Variants in PRR5L observed in about 807,000 individuals in gnomAD.
PRR5L encodes the protein proline-rich protein 5-like.
In PRR5L, 21 loss-of-function variants were observed where a neutral mutation model predicts 36.4. The observed-to-expected ratio is 0.58, with a 90% confidence interval of 0.41 to 0.83. PRR5L has a LOEUF of 0.83. PRR5L is among the 40% of genes least tolerant of loss of function. The probability of loss-of-function intolerance (pLI) is 0.00; values close to 1 mark genes in which losing one functional copy is unlikely to be tolerated. For missense variants in PRR5L, 381 were observed against 473.3 expected (o/e 0.80, Z 1.81); for synonymous variants, 188 against 197.0 (o/e 0.95, Z 0.38).
intron 1 of PRR5L, among the ~76,000 whole-genome samples, chr11:36,327,683 A>G (rs796835962): frequency 9.2e-5 from 14 of 152,340 alleles, no homozygotes; most frequent in African/African-American, 3.4e-4. Context: ...GTCACCTATG[A>G]GAATTCTTCT....
chr11:36,461,363 C>T (rs548472665), intron 8 of PRR5L, among the ~76,000 whole-genome samples: 13 of 152,260 alleles, frequency 8.5e-5, no homozygotes, highest in African/African-American at 3.1e-4. Context: ...TGGCTCACAC[C>T]TTTAATCCCA....
At chr11:36,458,756 C>G (rs1859117193) in intron 8 of PRR5L, among the ~76,000 whole-genome samples, 1 of 152,194 alleles carries the variant, frequency 6.6e-6, no homozygotes, top group African/African-American at 2.4e-5. Flanking sequence ...CCACGTGTCC[C>G]CATGGGCCAG....
Position 36,386,646 on chromosome 11 carries a change from T to G in PRR5L, c.-125-14351T>G, listed in dbSNP as rs180675419. 13 of 152,392 alleles carry G rather than the reference T, an allele frequency of 8.5e-5. No homozygotes were observed. In the East Asian group the frequency reaches 2.5e-3, roughly 29 times the overall value. 9.4% of individuals were successfully genotyped at this position (152,392 alleles called of 1,614,324 possible). A position where few individuals can be genotyped will look rare whatever the true frequency, so the allele number is the denominator to read the frequency against. ...TGTGTGTGGCACACACTTGCATTGTTTAAGACAGGGGTCAGGAGTTCAGGC... is the reference window on the plus strand; with the variant it reads ...TGTGTGTGGCACACACTTGCATTGTGTAAGACAGGGGTCAGGAGTTCAGGC... On this transcript the variant is annotated intron_variant, in intron 1 of 8. Transcript: ENST00000530639.
chr11:36,422,453 G>C (rs577679708), intron 4 of PRR5L, among the ~76,000 whole-genome samples: 1 of 152,154 alleles, frequency 6.6e-6, no homozygotes, highest in South Asian at 2.1e-4. Context: ...GGGCTTCCTG[G>C]GTGCTGGGCT....
chr11:36,335,222 G>A (rs112662558), intron 1 of PRR5L, among the ~76,000 whole-genome samples: 8 of 152,022 alleles, frequency 5.3e-5, no homozygotes, highest in South Asian at 2.1e-4. Context: ...ACGCCATTAC[G>A]CCAGGCTAAT....
rs1308652551 is a variant in PRR5L at position 36,463,635 on chromosome 11, T to C, written c.*899T>C. On this transcript the variant is annotated 3_prime_UTR_variant, in exon 9 of 9. Transcript: ENST00000530639. ...GGATTTGACTTGAATTTTTAAAATGTGTATCGTTTAAAAAAAAAAATGTTT... is the reference window on the plus strand; with the variant it reads ...GGATTTGACTTGAATTTTTAAAATGCGTATCGTTTAAAAAAAAAAATGTTT... 1 of 138,612 alleles carries C rather than the reference T, an allele frequency of 7.2e-6. No individual in the cohort carries two copies. The highest frequency in any genetic ancestry group is 1.6e-5 in the Non-Finnish European group (1 of 63,486). The allele number at this position is 138,612 out of a possible 1,614,324, so 8.6% of individuals were successfully genotyped here.
chr11:36,441,505 G>A (rs949460968), intron 6 of PRR5L, among the ~76,000 whole-genome samples: 1 of 152,252 alleles, frequency 6.6e-6, no homozygotes, highest in Admixed American at 6.5e-5. Flanking sequence ...CTGCCCCTGT[G>A]GCTTTGAAGG....
At chr11:36,300,608 C>T (rs1590419967) in intron 1 of PRR5L, among the ~76,000 whole-genome samples, 2 of 152,128 alleles carry the variant, frequency 1.3e-5, no homozygotes, top group South Asian at 4.1e-4. Context: ...CCAGGAGGTA[C>T]TTAACCTAAA....
intron 4 of PRR5L, among the ~76,000 whole-genome samples, chr11:36,430,305 A>C (rs1259485311): frequency 6.6e-6 from 1 of 152,160 alleles, no homozygotes; most frequent in Non-Finnish European, 1.5e-5. Context: ...CCATCTACAC[A>C]GGAGGCTGAG....
At chr11:36,349,265 CA>C (rs1407437471) in intron 1 of PRR5L, among the ~76,000 whole-genome samples, 1 of 118,006 alleles carries the variant, frequency 8.5e-6, no homozygotes, top group Non-Finnish European at 1.6e-5. Context: ...GCCTGGGTGA[CA>C]GCAAGACTCT....
chr11:36,390,060 C>T (rs956142265), intron 1 of PRR5L, among the ~76,000 whole-genome samples: 6 of 152,194 alleles, frequency 3.9e-5, no homozygotes, highest in Admixed American at 1.3e-4. Flanking sequence ...ACAGACAGTG[C>T]CTGCCCTTAT....
Position 36,419,288 on chromosome 11 carries a change from TAC to T in PRR5L, c.281_282del (p.Thr94ArgfsTer23). 1 of 1,614,096 alleles carries T rather than the reference TAC, an allele frequency of 6.2e-7. No individual in the cohort carries two copies. Among genetic ancestry groups the T allele is most frequent in the Non-Finnish European group, 8.5e-7 (1 of 1,179,902 alleles). ...TGAAGAGTGAACTTGGATCATTCAT[TAC>T]AGACTATTTTCAGGTAAGCTGTGTG... Reference protein sequence around the residue: ...LLKSELGSFITDYFQNQLLAK... With the variant: ...LLKSELGSFIXDYFQNQLLAK... On this transcript the variant is annotated frameshift_variant, in exon 4 of 9. Transcript: ENST00000530639. LOFTEE classifies it high-confidence loss of function.
In PRR5L at chr11:36,428,098, C is replaced by T. The variant is rs560296936; in HGVS notation, c.295-3755C>T. ...TTGCAGGGTGCATGCCAAGTCCTGA[C>T]TCTCCCTGTACCGGTGCGGAGGCCT... On this transcript the variant is annotated intron_variant, in intron 4 of 8. Coordinates refer to ENST00000530639, the MANE Select transcript of PRR5L (RefSeq NM_001160167.2). Among the ~76,000 whole-genome samples the T allele has an allele frequency of 2.6e-5, 4 of 152,320 alleles. No individual in the cohort carries two copies. The East Asian group carries it at 7.7e-4, about 29-fold the overall frequency.
chr11:36,368,436 A>G (rs551443490), intron 1 of PRR5L, among the ~76,000 whole-genome samples: 1 of 152,306 alleles, frequency 6.6e-6, no homozygotes, highest in South Asian at 2.1e-4. Context: ...CCATCATTTG[A>G]GAGGATTTTT....
At chr11:36,323,614 C>T (rs190967092) in intron 1 of PRR5L, among the ~76,000 whole-genome samples, 4 of 152,270 alleles carry the variant, frequency 2.6e-5, no homozygotes, top group Non-Finnish European at 4.4e-5. Context: ...ATGAAACATA[C>T]GTTTCTGTTT....
intron 1 of PRR5L, among the ~76,000 whole-genome samples, chr11:36,389,985 A>G (rs1045082669): frequency 2.0e-5 from 3 of 152,212 alleles, no homozygotes; most frequent in Non-Finnish European, 4.4e-5. Context: ...CATTCAGAGA[A>G]TATCTGTGGA....
chr11:36,340,868 C>G (rs1856810301), intron 1 of PRR5L, among the ~76,000 whole-genome samples: 1 of 152,170 alleles, frequency 6.6e-6, no homozygotes, highest in Non-Finnish European at 1.5e-5. Context: ...TGGGGGCAAT[C>G]AAAGGATCCC....
chr11:36,434,522 G>A (rs541927363), intron 5 of PRR5L, among the ~76,000 whole-genome samples: 1 of 152,058 alleles, frequency 6.6e-6, no homozygotes, highest in Non-Finnish European at 1.5e-5. Flanking sequence ...TCCACTTATT[G>A]CTGTTTTGTG....
At chr11:36,439,747 G>A (rs1433305425) in intron 6 of PRR5L, among the ~76,000 whole-genome samples, 1 of 152,126 alleles carries the variant, frequency 6.6e-6, no homozygotes, top group Non-Finnish European at 1.5e-5. Flanking sequence ...CCTCCTTTTT[G>A]TTCTCAGCTG....
Sources: gnomAD v4.1 joint callset for allele counts (sites outside exome capture counted in the v4.1 genomes callset) on GRCh38, gnomAD v4.1.1 for gene constraint, MANE v1.5 for transcripts, NCBI Gene and HGNC (gene_info 2026-07-23, HGNC 2026-07-21) for gene names.